The following CCDC149 variants were observed in gnomAD, a reference collection of about 807,000 sequenced individuals.
CCDC149 encodes coiled-coil domain-containing protein 149.
In CCDC149, 45 loss-of-function variants were observed where a neutral mutation model predicts 59.9. The observed-to-expected ratio is 0.75, with a 90% confidence interval of 0.59 to 0.96. The LOEUF (loss-of-function observed/expected upper bound fraction) is 0.96. CCDC149 is among the 40% of genes least tolerant of loss of function. CCDC149 has a pLI of 0.00. For missense variants in CCDC149, 584 were observed against 664.7 expected, an observed-to-expected ratio of 0.88 and a Z score of 1.33; for synonymous variants, 245 against 260.6, an observed-to-expected ratio of 0.94 and a Z score of 0.58.
At chr4:24,823,241 G>A (rs542116139) in intron 9 of CCDC149, among the ~76,000 whole-genome samples, 36 of 152,272 alleles carry the variant, frequency 2.4e-4, no homozygotes, top group Non-Finnish European at 4.7e-4. Flanking sequence ...AGAATCATTA[G>A]AATAATTACA....
chr4:24,917,612 G>A (rs1722166995), upstream of CCDC149, among the ~76,000 whole-genome samples: 1 of 152,096 alleles, frequency 6.6e-6, no homozygotes, highest in South Asian at 2.1e-4. Flanking sequence ...CCGGAGGAGA[G>A]GCCTAAAGAT....
At chr4:24,937,283 G>A (rs1722811216) in intron 1 of CCDC149, among the ~76,000 whole-genome samples, 1 of 152,190 alleles carries the variant, frequency 6.6e-6, no homozygotes. Context: ...ATAGTCTGAT[G>A]AGCAAACTGT....
intron 12 of CCDC149, among the ~76,000 whole-genome samples, chr4:24,817,880 A>G (rs16876161): frequency 0.025 from 3,789 of 152,278 alleles, 130 homozygotes; most frequent in African/African-American, 0.084. Flanking sequence ...TTTTTAGGGC[A>G]GACAATCATG....
intron 3 of CCDC149, among the ~76,000 whole-genome samples, chr4:24,857,394 A>G (rs1454530602): frequency 2.6e-5 from 4 of 152,216 alleles, no homozygotes; most frequent in African/African-American, 9.6e-5. Flanking sequence ...AACAGACATA[A>G]AACCATGCTG....
At position 24,895,067 on chromosome 4, in the gene CCDC149, G is replaced by T. The variant is rs567855177; in HGVS notation, c.63+17750C>A. 3.4e-6 allele frequency: 5 copies of T among 1,486,874 alleles called. No individual in the cohort carries two copies. The African/African-American group carries it at 5.5e-5, about 16-fold the overall frequency. The allele number at this position is 1,486,874 out of a possible 1,614,324, so 92.1% of individuals were successfully genotyped here. On this transcript the variant is annotated intron_variant, in intron 1 of 12. Transcript: ENST00000635206. ...CGATGACGACCATGATGGTGATGAT[G>T]ATGAGTTAATGACGTGGCAACTATC...
intron 3 of CCDC149, among the ~76,000 whole-genome samples, chr4:24,858,969 C>A (rs1023569582): frequency 1.3e-5 from 2 of 152,196 alleles, no homozygotes; most frequent in Non-Finnish European, 2.9e-5. Flanking sequence ...CGTTCCAATT[C>A]CCCTACAAAT....
At chr4:24,805,075 A>G (rs1052540208), downstream of CCDC149, among the ~76,000 whole-genome samples, 3 of 152,188 alleles carry the variant, frequency 2.0e-5, no homozygotes, top group Non-Finnish European at 2.9e-5. Context: ...ACAAAAACCA[A>G]TCCACTTCTA....
intron 4 of CCDC149, among the ~76,000 whole-genome samples, chr4:24,839,014 TC>T (rs1442134637): frequency 1.9e-4 from 20 of 107,862 alleles, no homozygotes; most frequent in Admixed American, 9.4e-4. Context: ...TCTCTCTCTC[TC>T]TCTCTCTCTC....
At chr4:24,942,243 T>C (rs1266171047) in intron 1 of CCDC149, among the ~76,000 whole-genome samples, 1 of 152,076 alleles carries the variant, frequency 6.6e-6, no homozygotes, top group Non-Finnish European at 1.5e-5. Flanking sequence ...TGGTTCAACA[T>C]ACAAAAATCA....
Position 24,878,804 on chromosome 4 carries a change from A to AG in CCDC149, c.64-2108dup, listed in dbSNP as rs1211826714. ...AACATCCCGCCTATTGAAGGGTAACAGGTAAGGGCCGCTGCTGACTGTCAA... is the reference window on the plus strand; with the variant it reads ...AACATCCCGCCTATTGAAGGGTAACAGGGTAAGGGCCGCTGCTGACTGTCAA... On this transcript the variant is annotated intron_variant, in intron 1 of 12. Coordinates refer to ENST00000635206, the MANE Select transcript of CCDC149 (RefSeq NM_001330643.2). Among the ~76,000 whole-genome samples the AG allele has an allele frequency of 7.2e-5, 11 of 152,342 alleles. No homozygotes were observed. In the East Asian group the frequency reaches 1.9e-3, roughly 27 times the overall value.
At chr4:24,814,531 G>A (rs1289993598) in intron 12 of CCDC149, among the ~76,000 whole-genome samples, 1 of 152,210 alleles carries the variant, frequency 6.6e-6, no homozygotes, top group Non-Finnish European at 1.5e-5. Context: ...TGGACCAGCA[G>A]TGGCAGCATC....
intron 1 of CCDC149, among the ~76,000 whole-genome samples, chr4:24,887,027 C>T (rs771937948): frequency 1.3e-5 from 2 of 151,934 alleles, no homozygotes; most frequent in African/African-American, 2.4e-5. Context: ...ACTCATTTGT[C>T]GATGTTAATT....
intron 8 of CCDC149, among the ~76,000 whole-genome samples, chr4:24,832,616 A>AT (rs1041046551): frequency 5.3e-5 from 8 of 151,046 alleles, no homozygotes; most frequent in African/African-American, 9.7e-5. Context: ...ATAGAAAATT[A>AT]TTTTTTTTTC....
chr4:24,927,393 G>A (rs1298649818), intron 1 of CCDC149, among the ~76,000 whole-genome samples: 2 of 152,206 alleles, frequency 1.3e-5, no homozygotes, highest in African/African-American at 2.4e-5. Flanking sequence ...AACATTCTCT[G>A]TATTACAAAT....
chr4:24,840,564 T>C (rs371860037), intron 4 of CCDC149, among the ~76,000 whole-genome samples: 1 of 152,242 alleles, frequency 6.6e-6, no homozygotes, highest in East Asian at 1.9e-4. Flanking sequence ...AGCCCTTGGA[T>C]TGTAAACAAA....
intron 4 of CCDC149, among the ~76,000 whole-genome samples, chr4:24,848,870 G>C (rs2109172874): frequency 6.6e-6 from 1 of 152,270 alleles, no homozygotes; most frequent in South Asian, 2.1e-4. Flanking sequence ...AGTGAAGATG[G>C]AAAAGGCATT....
intron 3 of CCDC149, among the ~76,000 whole-genome samples, chr4:24,866,802 A>AT (rs571776073): frequency 1.8e-3 from 185 of 103,272 alleles, no homozygotes; most frequent in African/African-American, 8.1e-3. Context: ...AAAAAAAAAA[A>AT]AAATATACAC....
At chr4:24,928,463 C>T (rs1324237951) in intron 1 of CCDC149, among the ~76,000 whole-genome samples, 3 of 152,100 alleles carry the variant, frequency 2.0e-5, no homozygotes, top group Non-Finnish European at 4.4e-5. Context: ...GCATAAAAGT[C>T]GAAGGCTTAA....
intron 1 of CCDC149, among the ~76,000 whole-genome samples, chr4:24,938,017 A>G (rs984819320): frequency 5.9e-5 from 9 of 152,304 alleles, no homozygotes; most frequent in Admixed American, 5.9e-4. Context: ...ATTCCTCTCT[A>G]AAAATACATA....
Sources: allele counts gnomAD v4.1 joint callset (sites outside exome capture counted in the v4.1 genomes callset), GRCh38; gene constraint gnomAD v4.1.1; transcripts MANE v1.5; gene names NCBI Gene and HGNC (gene_info 2026-07-23, HGNC 2026-07-21).